SEL1L3: variants seen among roughly 807,000 people sequenced by gnomAD.
SEL1L3 encodes the protein protein sel-1 homolog 3.
Under a neutral mutation model 142.8 loss-of-function variants are expected in SEL1L3, and 76 were observed. The ratio of observed to expected loss-of-function variants is 0.53; its 90% CI spans 0.44 to 0.64. The LOEUF is 0.64. SEL1L3 is among the 30% of genes least tolerant of loss of function. The pLI is 0.00. For synonymous variants in SEL1L3, 504 were observed against 519.6 expected (o/e 0.97, Z 0.41); for missense variants, 1,262 against 1,381.7 (o/e 0.91, Z 1.37).
the SEL1L3 span, chr4:25,719,086 G>T: frequency 6.6e-6 from 1 of 152,310 alleles, no homozygotes; most frequent in Non-Finnish European, 1.5e-5. Flanking sequence ...TGAGGCAAGA[G>T]AATCGTTTGA....
chr4:25,722,209 T>C, the SEL1L3 span, among the ~76,000 whole-genome samples: 1 of 152,000 alleles, frequency 6.6e-6, no homozygotes, highest in South Asian at 2.1e-4. Context: ...GGAAGATGAG[T>C]TATTTTAGCA....
chr4:25,848,330 C>T (rs925953511), intron 1 of SEL1L3, among the ~76,000 whole-genome samples: 116 of 152,168 alleles, frequency 7.6e-4, no homozygotes, highest in African/African-American at 2.7e-3. Flanking sequence ...CTCGAGGGAA[C>T]ATAACAGGGA....
At chr4:25,856,443 C>T (rs1005003106) in intron 1 of SEL1L3, among the ~76,000 whole-genome samples, 4 of 152,108 alleles carry the variant, frequency 2.6e-5, no homozygotes, top group African/African-American at 4.8e-5. Flanking sequence ...CCATTTTGCA[C>T]GCAACAGAGC....
At position 25,782,116 on chromosome 4, in the gene SEL1L3, C is replaced by T. The variant is rs189865389; in HGVS notation, c.2457+126G>A. The T allele has an allele frequency of 2.7e-4, 222 of 809,480 alleles. 1 individual carries two copies. The African/African-American group carries it at 3.0e-3, about 11-fold the overall frequency. 50.1% of individuals were successfully genotyped at this position (809,480 alleles called of 1,614,324 possible). The stretch of plus-strand genomic sequence containing the variant: ...TCACTATCTTGTTTTCCTACGAGAC[C>T]CTCTGAGCTCCTCGAGGACAGGGAC... On this transcript the variant is annotated intron_variant, in intron 15 of 23. Coordinates refer to ENST00000399878, the MANE Select transcript of SEL1L3 (RefSeq NM_015187.5).
At chr4:25,848,006 C>G (rs1716651399) in intron 1 of SEL1L3, 142 bp from the exon 2 acceptor site, 2 of 621,148 alleles carry the variant, frequency 3.2e-6, no homozygotes, top group Non-Finnish European at 5.5e-6. Flanking sequence ...TAAAAGATGT[C>G]AAAACCACTA....
intron 5 of SEL1L3, among the ~76,000 whole-genome samples, chr4:25,830,802 T>C (rs1485965975): frequency 6.6e-6 from 1 of 152,210 alleles, no homozygotes; most frequent in Non-Finnish European, 1.5e-5. Flanking sequence ...ACTTGGTCTA[T>C]GAAAGACAAA....
chr4:25,862,555 G>T, intron 1 of SEL1L3, 120 bp downstream of exon 1: 1 of 471,620 alleles, frequency 2.1e-6, no homozygotes, highest in South Asian at 9.7e-5. Context: ...GCAGCGACGA[G>T]GAAGAGAGAA....
intron 1 of SEL1L3, among the ~76,000 whole-genome samples, chr4:25,857,194 G>T (rs1468443336): frequency 6.6e-6 from 1 of 152,042 alleles, no homozygotes; most frequent in Non-Finnish European, 1.5e-5. Context: ...AACAAAGCAT[G>T]CAATTAAGCA....
At chr4:25,725,318 C>CTT in the SEL1L3 span, among the ~76,000 whole-genome samples, 26,862 of 139,328 alleles carry the variant, frequency 0.19, 2,806 homozygotes, top group African/African-American at 0.25. Context: ...TGCTGGTTGG[C>CTT]TTTTTTTTTT....
intron 11 of SEL1L3, among the ~76,000 whole-genome samples, chr4:25,799,557 G>A (rs1713034594): frequency 6.6e-6 from 1 of 152,166 alleles, no homozygotes; most frequent in African/African-American, 2.4e-5. Flanking sequence ...ATCAGCTGTT[G>A]TAGGAGCTCA....
At chr4:25,755,773 T>A (rs73258089) in intron 23 of SEL1L3, 13 of 704,504 alleles carry the variant, frequency 1.8e-5, no homozygotes, top group Non-Finnish European at 2.3e-5. Context: ...CCAGCTGGCA[T>A]AAAATCACAA....
chr4:25,825,965 C>T (rs1465985532), intron 6 of SEL1L3, among the ~76,000 whole-genome samples: 1 of 152,068 alleles, frequency 6.6e-6, no homozygotes, highest in Non-Finnish European at 1.5e-5. Flanking sequence ...AGCCACCACG[C>T]CCGGCCGGCC....
At chr4:25,778,995 A>C in intron 16 of SEL1L3, 81 bp downstream of exon 16, 1 of 1,293,448 alleles carries the variant, frequency 7.7e-7, no homozygotes, top group Non-Finnish European at 1.1e-6. Context: ...AAAAATAAAG[A>C]ACTCAACTTA....
At chr4:25,782,470 A>C (rs35608124) in intron 14 of SEL1L3, 52 bp from the exon 15 acceptor site, 64,785 of 1,486,668 alleles carry the variant, frequency 0.044, 1,708 homozygotes, top group South Asian at 0.062. Flanking sequence ...AAATCTAGAG[A>C]GCTCTGGAAG....
intron 17 of SEL1L3, among the ~76,000 whole-genome samples, chr4:25,769,323 G>T (rs969234475): frequency 9.2e-5 from 14 of 152,278 alleles, no homozygotes; most frequent in African/African-American, 3.4e-4. Context: ...CAGACATGCT[G>T]CAGGTCACAG....
intron 23 of SEL1L3, chr4:25,756,534 C>T (rs557182862): frequency 1.0e-6 from 1 of 963,736 alleles, no homozygotes; most frequent in South Asian, 4.8e-5. Flanking sequence ...AGTAGCTACT[C>T]TCATAACCTC....
intron 9 of SEL1L3, among the ~76,000 whole-genome samples, chr4:25,811,304 T>C (rs1259187206): frequency 6.6e-6 from 1 of 152,190 alleles, no homozygotes; most frequent in Non-Finnish European, 1.5e-5. Context: ...TCTACTGCTG[T>C]TGACAGCGGA....
At position 25,758,893 on chromosome 4, in the gene SEL1L3, C is replaced by T. The variant is rs766260600; in HGVS notation, c.3083+48G>A. On this transcript the variant is annotated intron_variant, in intron 21 of 23. Transcript: ENST00000399878. ...ACTTTAACCAAGAAGCGAACATCAT[C>T]TACTTGGGTTCCCTCAGATTCCACA... The T allele has an allele frequency of 1.9e-6, 3 of 1,561,582 alleles. No individual in the cohort carries two copies. In the Admixed American group the frequency reaches 6.0e-5, roughly 31 times the overall value.
At chr4:25,767,699 A>C in intron 18 of SEL1L3, 41 bp downstream of exon 18, 2 of 1,472,374 alleles carry the variant, frequency 1.4e-6, no homozygotes, top group Non-Finnish European at 1.9e-6. Flanking sequence ...CATTATCCTT[A>C]ACCTCAGAGC....
Sources: allele counts gnomAD v4.1 joint callset (sites outside exome capture counted in the v4.1 genomes callset), GRCh38; gene constraint gnomAD v4.1.1; transcripts MANE v1.5; gene names NCBI Gene and HGNC (gene_info 2026-07-23, HGNC 2026-07-21).